MAGI2: variants seen among roughly 807,000 people sequenced by gnomAD.
MAGI2 encodes membrane associated guanylate kinase, WW and PDZ domain containing 2.
Under a neutral mutation model 133.3 loss-of-function variants are expected in MAGI2, and 35 were observed. The observed-to-expected ratio is 0.26, with a 90% CI of 0.20 to 0.35. The LOEUF (loss-of-function observed/expected upper bound fraction) is 0.35. MAGI2 is among the 10% of genes least tolerant of loss of function. The pLI, the probability that MAGI2 is intolerant of heterozygous loss-of-function variation, is 1.00. For missense variants in MAGI2, 1,636 were observed against 1,863.4 expected (o/e 0.88, Z 2.25); for synonymous variants, 729 against 710.6 (o/e 1.03, Z -0.41).
intron 1 of MAGI2, among the ~76,000 whole-genome samples, chr7:79,131,931 T>C (rs1201925385): frequency 6.6e-6 from 1 of 152,144 alleles, no homozygotes; most frequent in Admixed American, 6.6e-5. Flanking sequence ...ATATTTAGTA[T>C]AATATTACTT....
Position 78,405,545 on chromosome 7 carries a change from T to C in MAGI2, c.1046-36332A>G, listed in dbSNP as rs556847386. Among the ~76,000 whole-genome samples, 4 of 152,098 alleles carry C rather than the reference T, an allele frequency of 2.6e-5. No homozygotes were observed. In the East Asian group the frequency reaches 5.8e-4, roughly 22 times the overall value. Reference sequence around the variant, plus strand: ...GACTCTCTTCAGCTTGTATACTACATGTGTCAAGAGCAGTTACGAAATACT... The same window carrying C: ...GACTCTCTTCAGCTTGTATACTACACGTGTCAAGAGCAGTTACGAAATACT... On this transcript the variant is annotated intron_variant, in intron 6 of 21. Transcript: ENST00000354212.
chr7:79,014,545 A>G (rs1808497748), intron 1 of MAGI2, among the ~76,000 whole-genome samples: 1 of 152,138 alleles, frequency 6.6e-6, no homozygotes, highest in South Asian at 2.1e-4. Flanking sequence ...CATACAAAGC[A>G]GGAAGTCACA....
At chr7:78,535,875 C>G (rs79722559) in intron 3 of MAGI2, among the ~76,000 whole-genome samples, 1 of 124,234 alleles carries the variant, frequency 8.0e-6, no homozygotes, top group Non-Finnish European at 1.8e-5. Flanking sequence ...TGTGTACACC[C>G]CCCCCGCCCA....
chr7:78,768,555 T>A (rs888141870), intron 2 of MAGI2, among the ~76,000 whole-genome samples: 19 of 152,188 alleles, frequency 1.2e-4, no homozygotes, highest in African/African-American at 4.3e-4. Context: ...GTGCTCACGA[T>A]GAAAACCCTT....
chr7:78,261,475 C>T lies in MAGI2; in HGVS notation c.1409-4894G>A, dbSNP rs1433372090. On this transcript the variant is annotated intron_variant, in intron 9 of 21. Coordinates refer to ENST00000354212, the MANE Select transcript of MAGI2 (RefSeq NM_012301.4). ...TTTGTTCCTTTGTGTGAGTTCTACC[C>T]GTTCCAAGATTTCTCTACACTATAT... Among the ~76,000 whole-genome samples, 9 of 152,178 alleles carry T rather than the reference C, an allele frequency of 5.9e-5. No individual in the cohort carries two copies. In the East Asian group the frequency reaches 1.4e-3, roughly 23 times the overall value.
At chr7:78,644,094 C>G (rs1452542765) in intron 2 of MAGI2, among the ~76,000 whole-genome samples, 45 of 151,478 alleles carry the variant, frequency 3.0e-4, no homozygotes, top group Admixed American at 3.0e-3. Context: ...AAATTCATTT[C>G]AAAATAATAA....
At chr7:78,740,263 C>A (rs1252666680) in intron 2 of MAGI2, among the ~76,000 whole-genome samples, 1 of 152,004 alleles carries the variant, frequency 6.6e-6, no homozygotes, top group East Asian at 1.9e-4. Flanking sequence ...CTTGTTATCA[C>A]CTAACCTCAT....
At position 78,060,243 on chromosome 7, in the gene MAGI2, G is replaced by A. The variant is rs199970451; in HGVS notation, c.3706+18704C>T. Among the ~76,000 whole-genome samples the A allele has an allele frequency of 7.8e-4, 38 of 48,872 alleles. 1 individual carries two copies. In the East Asian group the frequency reaches 0.033, roughly 42 times the overall value. The allele number at this position is 48,872 out of a possible 152,430, so 32.1% of individuals were successfully genotyped here. ...AGGAAATTATTTAAAAAACAAAAGG[G>A]ACCCCCCCCCCTCTTTAGATTAGAT... On this transcript the variant is annotated intron_variant, in intron 21 of 21. Coordinates refer to ENST00000354212, the MANE Select transcript of MAGI2 (RefSeq NM_012301.4).
At chr7:78,225,114 A>G (rs1789245304) in intron 10 of MAGI2, among the ~76,000 whole-genome samples, 1 of 152,062 alleles carries the variant, frequency 6.6e-6, no homozygotes, top group Non-Finnish European at 1.5e-5. Context: ...ATACTGCACA[A>G]ACTGCTGTAA....
intron 9 of MAGI2, among the ~76,000 whole-genome samples, chr7:78,261,090 A>G (rs1318877886): frequency 2.0e-5 from 3 of 152,032 alleles, no homozygotes; most frequent in Non-Finnish European, 4.4e-5. Flanking sequence ...CTTAAACACA[A>G]CCTTGGACCA....
chr7:79,147,223 A>G (rs964594834), intron 1 of MAGI2, among the ~76,000 whole-genome samples: 1 of 152,236 alleles, frequency 6.6e-6, no homozygotes, highest in African/African-American at 2.4e-5. Context: ...AAAATATTCA[A>G]TAAATGTTAC....
At chr7:78,655,454 C>CAAAAAAAAAAAAAAAAAAAAA in intron 2 of MAGI2, among the ~76,000 whole-genome samples, 2 of 64,950 alleles carry the variant, frequency 3.1e-5, no homozygotes, top group African/African-American at 6.3e-5. Flanking sequence ...AAAAAACAAC[C>CAAAAAAAAAAAAAAAAAAAAA]AAAAAAAAAA....
At chr7:78,946,687 T>A (rs1194026537) in intron 2 of MAGI2, 1 of 152,160 alleles carries the variant, frequency 6.6e-6, no homozygotes, top group African/African-American at 2.4e-5. Context: ...TCCTGAAAAA[T>A]GGAACCAATA....
At chr7:78,096,885 C>T (rs1276803933) in intron 20 of MAGI2, among the ~76,000 whole-genome samples, 1 of 152,048 alleles carries the variant, frequency 6.6e-6, no homozygotes, top group East Asian at 1.9e-4. Flanking sequence ...AGTAAACAAC[C>T]TACAGAATGG....
At chr7:78,761,782 T>C (rs1824537597) in intron 2 of MAGI2, among the ~76,000 whole-genome samples, 1 of 151,974 alleles carries the variant, frequency 6.6e-6, no homozygotes, top group Non-Finnish European at 1.5e-5. Flanking sequence ...GTAAGGTAGG[T>C]TGAGGCCCGA....
chr7:78,567,403 C>T (rs993279264), intron 3 of MAGI2, among the ~76,000 whole-genome samples: 4 of 151,910 alleles, frequency 2.6e-5, no homozygotes, highest in Admixed American at 6.6e-5. Context: ...TACACACACA[C>T]ACACACACAC....
chr7:78,125,159 C>T (rs113433589), intron 20 of MAGI2, among the ~76,000 whole-genome samples: 3 of 152,176 alleles, frequency 2.0e-5, no homozygotes, highest in African/African-American at 7.2e-5. Context: ...CCACCACGCC[C>T]GGCCCCTGCT....
chr7:78,354,062 C>G (rs1324525605), intron 7 of MAGI2, among the ~76,000 whole-genome samples: 2 of 152,120 alleles, frequency 1.3e-5, no homozygotes, highest in African/African-American at 4.8e-5. Flanking sequence ...GTGGTTCTCC[C>G]TAGAATTCCC....
chr7:78,377,799 G>T (rs1398466133), intron 6 of MAGI2, among the ~76,000 whole-genome samples: 1 of 148,370 alleles, frequency 6.7e-6, no homozygotes, highest in African/African-American at 2.5e-5. Context: ...TGTTATCGCT[G>T]GTCTAGGAAC....
Sources: allele counts gnomAD v4.1 joint callset (sites outside exome capture counted in the v4.1 genomes callset), GRCh38; gene constraint gnomAD v4.1.1; transcripts MANE v1.5; gene names NCBI Gene and HGNC (gene_info 2026-07-23, HGNC 2026-07-21).